The following KCNIP4 variants were observed in gnomAD, a reference collection of about 807,000 sequenced individuals.
KCNIP4 encodes potassium voltage-gated channel interacting protein 4.
In KCNIP4, 12 loss-of-function variants were observed where a neutral mutation model predicts 34.0. The observed-to-expected ratio is 0.35, with a 90% CI of 0.23 to 0.57. The LOEUF is 0.57. Among genes scored for constraint, KCNIP4 ranks in the 20% least tolerant of loss-of-function variants. The probability of loss-of-function intolerance (pLI) is 0.83; values close to 1 mark genes in which losing one functional copy is unlikely to be tolerated. For synonymous variants in KCNIP4, 124 were observed against 102.2 expected (o/e 1.21, Z -1.29); for missense variants, 238 against 311.7 (o/e 0.76, Z 1.78).
At chr4:21,788,309 A>C (rs1267618291) in intron 1 of KCNIP4, among the ~76,000 whole-genome samples, 11 of 152,248 alleles carry the variant, frequency 7.2e-5, no homozygotes, top group Admixed American at 6.5e-4. Flanking sequence ...CTGGGATTAA[A>C]GACTTCCTTA....
intron 1 of KCNIP4, among the ~76,000 whole-genome samples, chr4:21,738,880 A>G (rs1308969904): frequency 2.0e-5 from 3 of 152,182 alleles, no homozygotes; most frequent in Non-Finnish European, 4.4e-5. Context: ...TCTATCATTA[A>G]ACAAAAAGGG....
chr4:21,571,517 T>C (rs1312365439), intron 1 of KCNIP4, among the ~76,000 whole-genome samples: 3 of 152,134 alleles, frequency 2.0e-5, no homozygotes, highest in Non-Finnish European at 4.4e-5. Context: ...AACCTCCACA[T>C]AAATAAGCAG....
At chr4:21,015,823 A>G (rs1487545015) in intron 1 of KCNIP4, among the ~76,000 whole-genome samples, 1 of 138,180 alleles carries the variant, frequency 7.2e-6, no homozygotes, top group Non-Finnish European at 1.5e-5. Context: ...TACCATATAT[A>G]AAATATATAC....
At chr4:21,788,633 A>C (rs1057475732) in intron 1 of KCNIP4, among the ~76,000 whole-genome samples, 1 of 152,238 alleles carries the variant, frequency 6.6e-6, no homozygotes, top group African/African-American at 2.4e-5. Flanking sequence ...GATGTGGAGA[A>C]AAATCCCTAC....
intron 1 of KCNIP4, among the ~76,000 whole-genome samples, chr4:21,309,238 C>T (rs1712846737): frequency 6.6e-6 from 1 of 152,178 alleles, no homozygotes; most frequent in South Asian, 2.1e-4. Flanking sequence ...GGCGAACTTT[C>T]TCTACGCTTT....
intron 3 of KCNIP4, among the ~76,000 whole-genome samples, chr4:20,828,623 T>A (rs1177695295): frequency 6.6e-6 from 1 of 152,204 alleles, no homozygotes; most frequent in African/African-American, 2.4e-5. Flanking sequence ...GAATGGGAAC[T>A]CCAACACCTT....
Position 20,973,422 on chromosome 4 carries a change from T to C in KCNIP4, c.62-90713A>G, listed in dbSNP as rs559064771. Reference sequence around the variant, plus strand: ...GTTAGGGCCTTGTTCTGGGTTAAGTTTTGAATTAAGGGAAGGTTGTGGCTG... The same window carrying C: ...GTTAGGGCCTTGTTCTGGGTTAAGTCTTGAATTAAGGGAAGGTTGTGGCTG... On this transcript the variant is annotated intron_variant, in intron 1 of 8. Coordinates refer to ENST00000382152, the MANE Select transcript of KCNIP4 (RefSeq NM_025221.6). Among the ~76,000 whole-genome samples, 89 of 152,306 alleles carry C rather than the reference T, an allele frequency of 5.8e-4. No individual in the cohort carries two copies. The Middle Eastern group carries it at 0.01, about 17-fold the overall frequency.
intron 1 of KCNIP4, among the ~76,000 whole-genome samples, chr4:21,866,740 T>A (rs1244742416): frequency 6.7e-6 from 1 of 149,920 alleles, no homozygotes. Context: ...CTATTCAAAG[T>A]GAATTCCATA....
At chr4:21,865,309 C>T (rs1195311677) in intron 1 of KCNIP4, among the ~76,000 whole-genome samples, 3 of 116,048 alleles carry the variant, frequency 2.6e-5, no homozygotes, top group African/African-American at 9.8e-5. Context: ...CAAACACAAA[C>T]AAACAAAAAA....
intron 1 of KCNIP4, among the ~76,000 whole-genome samples, chr4:21,718,316 T>G (rs1253247905): frequency 1.3e-5 from 2 of 152,228 alleles, no homozygotes; most frequent in African/African-American, 4.8e-5. Flanking sequence ...CCTAAATATT[T>G]ATTAGCCAAT....
intron 1 of KCNIP4, among the ~76,000 whole-genome samples, chr4:21,382,043 A>C (rs1010747323): frequency 6.6e-6 from 1 of 152,236 alleles, no homozygotes; most frequent in Non-Finnish European, 1.5e-5. Context: ...GAAACATTTC[A>C]AAAAGTTATC....
intron 1 of KCNIP4, among the ~76,000 whole-genome samples, chr4:21,574,635 T>C (rs1740606090): frequency 6.6e-6 from 1 of 152,162 alleles, no homozygotes; most frequent in Non-Finnish European, 1.5e-5. Flanking sequence ...CTATAGTCTT[T>C]AGTAGTCAAT....
intron 1 of KCNIP4, among the ~76,000 whole-genome samples, chr4:21,434,160 T>TCAGCATGA (rs1358255438): frequency 6.6e-6 from 1 of 152,190 alleles, no homozygotes; most frequent in Admixed American, 6.5e-5. Flanking sequence ...TGTTTAAACC[T>TCAGCATGA]CAGCATGACG....
intron 1 of KCNIP4, among the ~76,000 whole-genome samples, chr4:21,425,710 T>C (rs1725872722): frequency 2.0e-5 from 3 of 152,202 alleles, no homozygotes; most frequent in Admixed American, 1.3e-4. Flanking sequence ...GAAACTCTTG[T>C]GAATGTCAAA....
chr4:20,979,620 C>G (rs1443987179), intron 1 of KCNIP4, among the ~76,000 whole-genome samples: 1 of 151,784 alleles, frequency 6.6e-6, no homozygotes, highest in Non-Finnish European at 1.5e-5. Flanking sequence ...GGATGGTCTC[C>G]ATCTCCTGAC....
At chr4:20,996,767 T>C (rs1040046072) in intron 1 of KCNIP4, among the ~76,000 whole-genome samples, 2 of 151,844 alleles carry the variant, frequency 1.3e-5, no homozygotes, top group African/African-American at 4.8e-5. Flanking sequence ...CTGAACTTCT[T>C]TTTTTTAAAT....
chr4:21,302,294 C>T (rs1383558367), intron 1 of KCNIP4, among the ~76,000 whole-genome samples: 1 of 152,146 alleles, frequency 6.6e-6, no homozygotes, highest in African/African-American at 2.4e-5. Context: ...GGTGTCATCA[C>T]CAAATCCAGA....
At chr4:20,833,184 C>T (rs148142261) in intron 3 of KCNIP4, among the ~76,000 whole-genome samples, 227 of 152,304 alleles carry the variant, frequency 1.5e-3, no homozygotes, top group African/African-American at 5.0e-3. Context: ...TGATAACGTG[C>T]GGTGCACATT....
rs569538982 is a variant in KCNIP4 at position 21,608,570 on chromosome 4, T to C, written c.61+340001A>G. ...TTCCTCTTCTGTTTTTGAGAATCCA[T>C]GTGATTACATTGGGGCCTCCAGGAT... is the stretch of plus-strand genomic sequence containing the variant. On this transcript the variant is annotated intron_variant, in intron 1 of 8. Transcript: ENST00000382152. Among the ~76,000 whole-genome samples, 16 of 152,346 alleles carry C rather than the reference T, an allele frequency of 1.1e-4. No homozygotes were observed. In the South Asian group the frequency reaches 2.7e-3, roughly 26 times the overall value.
Sources: gnomAD v4.1 joint callset for allele counts (sites outside exome capture counted in the v4.1 genomes callset) on GRCh38, gnomAD v4.1.1 for gene constraint, MANE v1.5 for transcripts, NCBI Gene and HGNC (gene_info 2026-07-23, HGNC 2026-07-21) for gene names.